Variants in GAN observed in about 807,000 individuals in gnomAD.
GAN encodes the protein gigaxonin.
In GAN, 48 loss-of-function variants were observed where a neutral mutation model predicts 71.3. The observed-to-expected ratio is 0.67, with a 90% CI of 0.53 to 0.86. The LOEUF (loss-of-function observed/expected upper bound fraction) is 0.86, where lower values mean the gene tolerates loss of function less well. GAN is among the 40% of genes least tolerant of loss of function. The pLI, the probability that GAN is intolerant of heterozygous loss-of-function variation, is 0.00. For synonymous variants in GAN, 386 were observed against 276.8 expected, an observed-to-expected ratio of 1.39 and a Z score of -3.92; for missense variants, 928 against 770.1, an observed-to-expected ratio of 1.21 and a Z score of -2.43.
intron 1 of GAN, among the ~76,000 whole-genome samples, chr16:81,332,871 A>C (rs1412103588): frequency 6.6e-6 from 1 of 152,190 alleles, no homozygotes. Context: ...TCAGTGCATC[A>C]TATCAGGAGG....
intron 10 of GAN, 32 bp downstream of exon 10, chr16:81,377,360 G>C (rs1904284964): frequency 2.5e-6 from 4 of 1,592,894 alleles, no homozygotes; most frequent in Non-Finnish European, 3.4e-6. Context: ...TCTTGGAACT[G>C]TTTCCTGGTG....
intron 1 of GAN, among the ~76,000 whole-genome samples, chr16:81,346,596 C>T (rs1910126901): frequency 6.6e-6 from 1 of 152,238 alleles, no homozygotes; most frequent in African/African-American, 2.4e-5. Flanking sequence ...TGAGGTGGAA[C>T]AGTTTTACCC....
At chr16:81,365,513 T>G (rs376616910) in intron 9 of GAN, 35 bp downstream of exon 9, 1 of 1,597,648 alleles carries the variant, frequency 6.3e-7, no homozygotes, top group Non-Finnish European at 8.6e-7. Context: ...CTACTGCAAC[T>G]TTTTCTTTGT....
At chr16:81,351,168 C>G (rs1338700399) in intron 1 of GAN, among the ~76,000 whole-genome samples, 1 of 152,194 alleles carries the variant, frequency 6.6e-6, no homozygotes, top group Non-Finnish European at 1.5e-5. Context: ...TGGGGAAGAC[C>G]ATCTGGTTAG....
At chr16:81,348,649 A>C (rs1245613566) in intron 1 of GAN, among the ~76,000 whole-genome samples, 1 of 152,160 alleles carries the variant, frequency 6.6e-6, no homozygotes, top group Non-Finnish European at 1.5e-5. Context: ...GAGTAATACT[A>C]CGTTTTCTGT....
rs1022986980 is a variant in GAN at position 81,364,070 on chromosome 16, T to C, written c.1236+127T>C. ...TAAAAGAATTAACTTTATAGAACTC[T>C]CTTTATCGGTAGTTTGCCTTCACTG... On this transcript the variant is annotated intron_variant, in intron 7 of 10. Coordinates refer to ENST00000648994, the MANE Select transcript of GAN (RefSeq NM_022041.4). The C allele has an allele frequency of 6.9e-5, 56 of 812,734 alleles. No homozygotes were observed. The Middle Eastern group carries it at 8.0e-4, about 12-fold the overall frequency. 50.3% of individuals were successfully genotyped at this position (812,734 alleles called of 1,614,324 possible). A position where few individuals can be genotyped will look rare whatever the true frequency, so the allele number is the denominator to read the frequency against.
chr16:81,377,498 C>T lies in GAN; in HGVS notation c.1696C>T (p.Arg566Cys), dbSNP rs368372086. The T allele has an allele frequency of 2.5e-6, 4 of 1,614,030 alleles. No homozygotes were observed. In the South Asian group the frequency reaches 3.3e-5, roughly 13 times the overall value. ...TAAACCACTCCTTCCATCCGACCTT[C>T]GCCGTACAGGATGTGCAGCCTTACG... is the stretch of plus-strand genomic sequence containing the variant. Reference protein sequence around the residue: ...HTKPLLPSDLRRTGCAALRIA... With the variant: ...HTKPLLPSDLCRTGCAALRIA... Residue 566 changes from arginine (R) to cysteine (C), a missense_variant, in exon 11 of 11, where the codon CGC becomes TGC. By Grantham distance (180) the Arg-to-Cys change is radical. Transcript: ENST00000648994.
chr16:81,338,209 TA>T lies in GAN; in HGVS notation c.168-13370del, dbSNP rs1909828947. On this transcript the variant is annotated intron_variant, in intron 1 of 10. Coordinates refer to ENST00000648994, the MANE Select transcript of GAN (RefSeq NM_022041.4). The stretch of plus-strand genomic sequence containing the variant: ...GTTTCTAATTTTTTTTAGAGTGTTA[TA>T]AAATTGTCAAGGTGATATTTTAAGG... 2.0e-5 allele frequency among the ~76,000 whole-genome samples: 3 copies of T among 152,352 alleles called. No homozygotes were observed. The South Asian group carries it at 6.2e-4, about 32-fold the overall frequency.
intron 1 of GAN, among the ~76,000 whole-genome samples, chr16:81,342,324 A>G (rs1158455169): frequency 6.6e-6 from 1 of 152,248 alleles, no homozygotes; most frequent in Non-Finnish European, 1.5e-5. Flanking sequence ...AATCAACAGA[A>G]TATACATTCT....
chr16:81,377,860 C>A lies in GAN; in HGVS notation c.*264C>A. 3.9e-6 allele frequency: 2 copies of A among 514,374 alleles called. No individual in the cohort carries two copies. The highest frequency in any genetic ancestry group is 7.0e-6 in the Non-Finnish European group (2 of 284,986). 31.9% of individuals were successfully genotyped at this position (514,374 alleles called of 1,614,324 possible). On this transcript the variant is annotated 3_prime_UTR_variant, in exon 11 of 11. Coordinates refer to ENST00000648994, the MANE Select transcript of GAN (RefSeq NM_022041.4). Reference sequence around the variant, plus strand: ...GGAGGCTAGGGAGGCTAGTAAATATCAAAAGGAAAAGGGAGTGGGAATTGC... The same window carrying A: ...GGAGGCTAGGGAGGCTAGTAAATATAAAAAGGAAAAGGGAGTGGGAATTGC...
chr16:81,362,588 A>G lies in GAN; in HGVS notation c.1063A>G (p.Thr355Ala). The G allele has an allele frequency of 1.3e-6, 2 of 1,575,326 alleles. No homozygotes were observed. The highest frequency in any genetic ancestry group is 1.7e-6 in the Non-Finnish European group (2 of 1,144,534). ...EKYDPDANTW[T>A]ALPPMNEARH... ...GTATGATCCAGATGCAAATACATGG[A>G]CAGCATTGCCACCTATGAACGAGGT... is the stretch of plus-strand genomic sequence containing the variant. Residue 355 changes from threonine to alanine, a missense_variant, in exon 6 of 11, where the codon ACA (threonine) becomes GCA (alanine). Transcript: ENST00000648994.
chr16:81,361,246 A>G (rs959869463), intron 5 of GAN, among the ~76,000 whole-genome samples: 5 of 152,170 alleles, frequency 3.3e-5, no homozygotes, highest in African/African-American at 4.8e-5. Flanking sequence ...AAATCAAAAA[A>G]AAATTATTTG....
chr16:81,377,486 C>G lies in GAN; in HGVS notation c.1684C>G (p.Pro562Ala), dbSNP rs79901179. The G allele has an allele frequency of 4.7e-3, 7,641 of 1,614,106 alleles. 25 individuals carry two copies. The highest frequency in any genetic ancestry group is 6.1e-3 in the Middle Eastern group (37 of 6,062). Residue 562 changes from proline (P) to alanine (A), a missense_variant, in exon 11 of 11, where the codon CCA becomes GCA. By Grantham distance (27) the Pro-to-Ala change is conservative. Coordinates refer to ENST00000648994, the MANE Select transcript of GAN (RefSeq NM_022041.4). ...CTGGCACCACACTAAACCACTCCTT[C>G]CATCCGACCTTCGCCGTACAGGATG... ...GTWHHTKPLLPSDLRRTGCAA... is the reference protein window; with the variant it reads ...GTWHHTKPLLASDLRRTGCAA...
Position 81,339,166 on chromosome 16 carries a change from C to T in GAN, c.168-12417C>T, listed in dbSNP as rs116166131. On this transcript the variant is annotated intron_variant, in intron 1 of 10. Coordinates refer to ENST00000648994, the MANE Select transcript of GAN (RefSeq NM_022041.4). Reference sequence around the variant, plus strand: ...GTTACTCAAAGAGTGGTCTGGAGACCGACAGAATCCACATCACCCAAGAGC... The same window carrying T: ...GTTACTCAAAGAGTGGTCTGGAGACTGACAGAATCCACATCACCCAAGAGC... 2.2e-3 allele frequency among the ~76,000 whole-genome samples: 328 copies of T among 152,148 alleles called. 1 individual carries two copies. Among genetic ancestry groups the T allele is most frequent in the African/African-American group, 7.4e-3 (308 of 41,500 alleles).
chr16:81,330,204 G>C (rs943821756), intron 1 of GAN, among the ~76,000 whole-genome samples: 2 of 152,134 alleles, frequency 1.3e-5, no homozygotes, highest in African/African-American at 2.4e-5. Flanking sequence ...CTCAGCCCCC[G>C]TCAGTCTCCA....
At chr16:81,328,862 C>T (rs958545161) in intron 1 of GAN, among the ~76,000 whole-genome samples, 11 of 152,178 alleles carry the variant, frequency 7.2e-5, no homozygotes, top group Non-Finnish European at 1.6e-4. Flanking sequence ...TTGCAAGCCA[C>T]ATGTGGTCTT....
intron 1 of GAN, among the ~76,000 whole-genome samples, chr16:81,326,460 G>A (rs1324968309): frequency 6.6e-6 from 1 of 152,184 alleles, no homozygotes; most frequent in Non-Finnish European, 1.5e-5. Flanking sequence ...TTGAACCCGG[G>A]AGGCGGAGGT....
chr16:81,367,182 A>C (rs1380143670), intron 9 of GAN, among the ~76,000 whole-genome samples: 1 of 152,136 alleles, frequency 6.6e-6, no homozygotes, highest in East Asian at 1.9e-4. Context: ...ACTTGCTTTA[A>C]GTTCATAATA....
Position 81,332,499 on chromosome 16 carries a change from C to T in GAN, c.167+17219C>T, listed in dbSNP as rs182272028. Among the ~76,000 whole-genome samples the T allele has an allele frequency of 3.0e-3, 455 of 152,340 alleles. 1 individual carries two copies. The highest frequency in any genetic ancestry group is 0.014 in the Middle Eastern group (4 of 294). Reference sequence around the variant, plus strand: ...TTACTGTAATGCTTTTGCTGTCCCCCTTCCTTGGTGTACTTGCTCTCCCTC... The same window carrying T: ...TTACTGTAATGCTTTTGCTGTCCCCTTTCCTTGGTGTACTTGCTCTCCCTC... On this transcript the variant is annotated intron_variant, in intron 1 of 10. Coordinates refer to ENST00000648994, the MANE Select transcript of GAN (RefSeq NM_022041.4).
Sources: gnomAD v4.1 joint callset for allele counts (sites outside exome capture counted in the v4.1 genomes callset) on GRCh38, gnomAD v4.1.1 for gene constraint, MANE v1.5 for transcripts, NCBI Gene and HGNC (gene_info 2026-07-23, HGNC 2026-07-21) for gene names.